The following MGAT4C variants were observed in gnomAD, a reference collection of about 807,000 sequenced individuals.
MGAT4C encodes alpha-1,3-mannosyl-glycoprotein 4-beta-N-acetylglucosaminyltransferase C.
Under a neutral mutation model 40.1 loss-of-function variants are expected in MGAT4C, and 19 were observed. The ratio of observed to expected loss-of-function variants is 0.47; its 90% CI spans 0.33 to 0.70. MGAT4C has a LOEUF of 0.70. MGAT4C is among the 30% of genes least tolerant of loss of function. MGAT4C has a pLI of 0.02. For missense variants in MGAT4C, 491 were observed against 563.2 expected (o/e 0.87, Z 1.30); for synonymous variants, 181 against 187.1 (o/e 0.97, Z 0.27).
intron 2 of MGAT4C, among the ~76,000 whole-genome samples, chr12:86,463,846 T>C (rs1957638301): frequency 1.3e-5 from 2 of 152,148 alleles, no homozygotes; most frequent in African/African-American, 4.8e-5. Flanking sequence ...GGGGATATTG[T>C]CTAAAATAGT....
intron 1 of MGAT4C, among the ~76,000 whole-genome samples, chr12:86,816,799 AT>A (rs935868482): frequency 5.3e-4 from 80 of 151,464 alleles, no homozygotes; most frequent in African/African-American, 1.7e-3. Context: ...TGTACCAAAC[AT>A]TTTGTCTTGA....
intron 1 of MGAT4C, among the ~76,000 whole-genome samples, chr12:86,153,162 A>T (rs1884502881): frequency 6.6e-6 from 1 of 152,178 alleles, no homozygotes; most frequent in Non-Finnish European, 1.5e-5. Context: ...TAAAGCAGTG[A>T]GTTGCCCTCT....
intron 2 of MGAT4C, among the ~76,000 whole-genome samples, chr12:86,540,360 C>T (rs1453215532): frequency 1.3e-5 from 2 of 152,134 alleles, no homozygotes; most frequent in Non-Finnish European, 2.9e-5. Flanking sequence ...AAATTTGAGC[C>T]ATGTTGAAAG....
At chr12:86,163,208 T>A (rs984591658) in intron 1 of MGAT4C, among the ~76,000 whole-genome samples, 2 of 151,784 alleles carry the variant, frequency 1.3e-5, no homozygotes, top group African/African-American at 4.8e-5. Flanking sequence ...CCTCCCCCCC[T>A]TTTTTTTCTT....
chr12:86,805,906 C>T (rs1218891152), intron 1 of MGAT4C, among the ~76,000 whole-genome samples: 2 of 151,726 alleles, frequency 1.3e-5, no homozygotes, highest in African/African-American at 4.8e-5. Flanking sequence ...TTAATAATAG[C>T]CATTATGACT....
intron 1 of MGAT4C, among the ~76,000 whole-genome samples, chr12:86,056,477 T>C (rs1893407024): frequency 6.6e-6 from 1 of 152,156 alleles, no homozygotes. Context: ...AGTGAGAACA[T>C]GCAGTGTTTG....
chr12:86,676,156 T>G (rs1964394455), intron 2 of MGAT4C, among the ~76,000 whole-genome samples: 1 of 152,116 alleles, frequency 6.6e-6, no homozygotes, highest in Admixed American at 6.6e-5. Context: ...AAGTGAGGAT[T>G]GAGTTTTGTC....
intron 2 of MGAT4C, among the ~76,000 whole-genome samples, chr12:86,554,103 A>G (rs1959493403): frequency 7.1e-6 from 1 of 140,980 alleles, no homozygotes; most frequent in African/African-American, 2.7e-5. Flanking sequence ...TATATTAAAA[A>G]CACACAGCAC....
intron 2 of MGAT4C, among the ~76,000 whole-genome samples, chr12:86,635,756 A>C (rs117415043): frequency 6.6e-6 from 1 of 151,818 alleles, no homozygotes; most frequent in East Asian, 1.9e-4. Context: ...AGCTCACTGC[A>C]ACCTTGAACT....
chr12:85,982,955 C>T (rs1884780596), intron 4 of MGAT4C, among the ~76,000 whole-genome samples: 1 of 152,124 alleles, frequency 6.6e-6, no homozygotes, highest in Non-Finnish European at 1.5e-5. Flanking sequence ...GAAGCAAAGT[C>T]ACCAGAAGCT....
rs2136657137 is a variant in MGAT4C, at chr12:85,969,918, T to G, written c.*9371A>C. On this transcript the variant is annotated 3_prime_UTR_variant, in exon 5 of 5. Transcript: ENST00000611864. ...TAGACAGTGAAATGCACATGAAATC[T>G]TCACACAGTGTCTCATAGTTGCTTG... 1 of 151,568 alleles carries G rather than the reference T, an allele frequency of 6.6e-6. No homozygotes were observed. The highest frequency in any genetic ancestry group is 2.1e-4 in the South Asian group (1 of 4,828). 9.4% of individuals were successfully genotyped at this position (151,568 alleles called of 1,614,324 possible). A position where few individuals can be genotyped will look rare whatever the true frequency, so the allele number is the denominator to read the frequency against.
chr12:86,531,338 G>C (rs1011625855), intron 2 of MGAT4C, among the ~76,000 whole-genome samples: 3 of 151,046 alleles, frequency 2.0e-5, no homozygotes, highest in African/African-American at 7.4e-5. Context: ...TAGACTTCAC[G>C]GGGTACAGAA....
intron 3 of MGAT4C, among the ~76,000 whole-genome samples, chr12:86,433,849 C>T (rs1957090593): frequency 6.6e-6 from 1 of 152,076 alleles, no homozygotes; most frequent in Non-Finnish European, 1.5e-5. Flanking sequence ...TTAGCCAGAC[C>T]TTCACTATGA....
rs1337931972 is a variant in MGAT4C, at chr12:85,957,459, A to C, written c.*21830T>G. ...TGCATGAACTCTAGCAGTGGCTAGA[A>C]GGAAATTAATGGTTTGGGAGGTTGA... On this transcript the variant is annotated 3_prime_UTR_variant, in exon 5 of 5. Transcript: ENST00000611864. The C allele has an allele frequency of 2.0e-5, 3 of 152,182 alleles. No individual in the cohort carries two copies. The highest frequency in any genetic ancestry group is 4.8e-5 in the African/African-American group (2 of 41,452). 9.4% of individuals were successfully genotyped at this position (152,182 alleles called of 1,614,324 possible).
In MGAT4C at chr12:86,555,909, C is replaced by T. The variant is rs140227083; in HGVS notation, c.-228-120644G>A. Among the ~76,000 whole-genome samples the T allele has an allele frequency of 2.3e-3, 353 of 152,282 alleles. 5 individuals carry two copies. Among genetic ancestry groups the T allele is most frequent in the African/African-American group, 8.2e-3 (340 of 41,564 alleles). On this transcript the variant is annotated intron_variant, in intron 2 of 7. Coordinates refer to the MGAT4C transcript ENST00000548651. ...TGACTCCCCCTGACTTCATCACCCC[C>T]ATGACCTGGTGTTGGGTCTGATCAC... is the stretch of plus-strand genomic sequence containing the variant.
At position 86,665,591 on chromosome 12, in the gene MGAT4C, A is replaced by T. The variant is rs554432842; in HGVS notation, c.-229+61618T>A. The stretch of plus-strand genomic sequence containing the variant: ...ATGGGGTTTCACCGTGTTAGCCAGG[A>T]TGTTCTCCTGACCTCGTGATCCACC... On this transcript the variant is annotated intron_variant, in intron 2 of 7. Transcript: ENST00000548651. Among the ~76,000 whole-genome samples, 15 of 152,088 alleles carry T rather than the reference A, an allele frequency of 9.9e-5. 1 individual carries two copies. The highest frequency in any genetic ancestry group is 3.4e-3 in the Middle Eastern group (1 of 294).
intron 3 of MGAT4C, among the ~76,000 whole-genome samples, chr12:86,389,953 G>C (rs1956134906): frequency 1.3e-5 from 2 of 152,124 alleles, no homozygotes; most frequent in African/African-American, 4.8e-5. Context: ...GAAAAGTATA[G>C]AAGTCTTAAA....
chr12:86,215,004 C>CTTAT (rs1950613839), intron 1 of MGAT4C, among the ~76,000 whole-genome samples: 1 of 152,022 alleles, frequency 6.6e-6, no homozygotes, highest in Non-Finnish European at 1.5e-5. Context: ...TTTTCTATGA[C>CTTAT]CTTCACAGGG....
At chr12:86,336,876 G>C (rs1323462757) in intron 3 of MGAT4C, among the ~76,000 whole-genome samples, 1 of 152,118 alleles carries the variant, frequency 6.6e-6, no homozygotes, top group Non-Finnish European at 1.5e-5. Flanking sequence ...TTAATCAATA[G>C]ATTAATGAGC....
Sources: allele counts gnomAD v4.1 joint callset (sites outside exome capture counted in the v4.1 genomes callset), GRCh38; gene constraint gnomAD v4.1.1; transcripts MANE v1.5; gene names NCBI Gene and HGNC (gene_info 2026-07-23, HGNC 2026-07-21).